Variants in TRPM3 observed in about 807,000 individuals in gnomAD.
TRPM3 encodes the protein transient receptor potential cation channel subfamily M member 3.
A neutral mutation model predicts 181.2 loss-of-function variants in TRPM3; 77 were observed. That is an observed-to-expected ratio of 0.42 (90% CI 0.35 to 0.51). The LOEUF (loss-of-function observed/expected upper bound fraction) is 0.51. Ranked by LOEUF, TRPM3 falls within the 20% of genes least tolerant of loss-of-function variation. The pLI is 0.01. For synonymous variants in TRPM3, 745 were observed against 796.4 expected (o/e 0.94, Z 1.09); for missense variants, 1,759 against 2,196.7 (o/e 0.80, Z 3.98).
chr9:70,993,252 C>A (rs891554397), intron 1 of TRPM3, among the ~76,000 whole-genome samples: 1 of 152,118 alleles, frequency 6.6e-6, no homozygotes, highest in African/African-American at 2.4e-5. Flanking sequence ...GAATGAAGAA[C>A]TGACTGTGGA....
chr9:70,786,346 G>A lies in TRPM3; in HGVS notation c.974-2067C>T, dbSNP rs547109459. ...AAAAAAAAAAAAAAATTAGCTGGGC[G>A]TGGTGGCAGGCGCCTGTAATCCCAG... On this transcript the variant is annotated intron_variant, in intron 6 of 25. Transcript: ENST00000677713. 1.8e-3 allele frequency among the ~76,000 whole-genome samples: 206 copies of A among 112,000 alleles called. 1 individual carries two copies. The highest frequency in any genetic ancestry group is 5.3e-3 in the Middle Eastern group (1 of 190). The allele number at this position is 112,000 out of a possible 152,430, so 73.5% of individuals were successfully genotyped here.
chr9:70,639,288 T>C, intron 10 of TRPM3, 94 bp from the exon 11 acceptor site: 2 of 1,401,498 alleles, frequency 1.4e-6, no homozygotes, highest in Non-Finnish European at 1.9e-6. Flanking sequence ...ATGGATGCCT[T>C]TGACATCTGG....
At chr9:71,416,518 T>G (rs1271072635) in intron 1 of TRPM3, among the ~76,000 whole-genome samples, 1 of 151,908 alleles carries the variant, frequency 6.6e-6, no homozygotes, top group South Asian at 2.1e-4. Flanking sequence ...TCCTGGATAA[T>G]GTTTCCATCT....
chr9:71,000,787 G>A (rs915309951), intron 1 of TRPM3, among the ~76,000 whole-genome samples: 1 of 152,114 alleles, frequency 6.6e-6, no homozygotes, highest in Non-Finnish European at 1.5e-5. Flanking sequence ...GTGAGGTGGA[G>A]TCATTTTCTA....
chr9:70,823,716 T>C (rs2093359561), intron 6 of TRPM3, among the ~76,000 whole-genome samples: 1 of 152,248 alleles, frequency 6.6e-6, no homozygotes, highest in Admixed American at 6.5e-5. Flanking sequence ...CTCAATGAAT[T>C]GTTAATTGTT....
chr9:70,685,402 A>G (rs1297503791), intron 8 of TRPM3, among the ~76,000 whole-genome samples: 1 of 151,994 alleles, frequency 6.6e-6, no homozygotes, highest in Non-Finnish European at 1.5e-5. Flanking sequence ...ATTGATCAAT[A>G]TTATTATTAT....
At chr9:70,962,514 C>T (rs1337019) in intron 1 of TRPM3, among the ~76,000 whole-genome samples, 116,718 of 151,996 alleles carry the variant, frequency 0.77, 45,263 homozygotes, top group African/African-American at 0.86. Context: ...ACCTCTTTCA[C>T]TCACCTATGG....
chr9:71,280,257 C>T (rs899522103), intron 1 of TRPM3, among the ~76,000 whole-genome samples: 5 of 152,106 alleles, frequency 3.3e-5, no homozygotes, highest in Admixed American at 6.5e-5. Context: ...CCTGCAGTCA[C>T]GTGAACCACT....
intron 1 of TRPM3, among the ~76,000 whole-genome samples, chr9:70,947,059 G>T (rs573958787): frequency 6.6e-6 from 1 of 152,074 alleles, no homozygotes; most frequent in Admixed American, 6.6e-5. Context: ...ACATGTATAC[G>T]CATTTTATTT....
chr9:71,084,769 A>T (rs910835396), intron 1 of TRPM3, among the ~76,000 whole-genome samples: 3 of 152,050 alleles, frequency 2.0e-5, no homozygotes, highest in African/African-American at 7.2e-5. Context: ...ACTAGGAAAA[A>T]AAAAACTATT....
intron 7 of TRPM3, among the ~76,000 whole-genome samples, chr9:70,779,805 G>A (rs1399877936): frequency 2.6e-5 from 4 of 151,962 alleles, no homozygotes; most frequent in Admixed American, 1.3e-4. Context: ...AATTAATTAC[G>A]GAAAGTGACA....
At chr9:70,755,911 A>G (rs971490395) in intron 8 of TRPM3, among the ~76,000 whole-genome samples, 1 of 152,216 alleles carries the variant, frequency 6.6e-6, no homozygotes, top group Admixed American at 6.5e-5. Context: ...AAGAAACTGC[A>G]TTAACTAACG....
chr9:70,825,229 G>T (rs2093477556), intron 6 of TRPM3: 1 of 152,190 alleles, frequency 6.6e-6, no homozygotes, highest in South Asian at 2.1e-4. Context: ...GGGTAGAACT[G>T]CTATAGGAGC....
At chr9:71,288,045 C>G (rs1186962779) in intron 1 of TRPM3, among the ~76,000 whole-genome samples, 1 of 152,052 alleles carries the variant, frequency 6.6e-6, no homozygotes, top group African/African-American at 2.4e-5. Flanking sequence ...ACAGAAAATA[C>G]TACATATTAA....
intron 1 of TRPM3, among the ~76,000 whole-genome samples, chr9:71,176,436 A>C (rs890705607): frequency 4.6e-5 from 7 of 152,186 alleles, no homozygotes; most frequent in Non-Finnish European, 1.0e-4. Context: ...GGATATAAGG[A>C]AAGAAAGTAT....
intron 9 of TRPM3, among the ~76,000 whole-genome samples, chr9:70,657,677 G>A (rs540018630): frequency 1.3e-5 from 2 of 152,230 alleles, no homozygotes; most frequent in East Asian, 3.9e-4. Context: ...CTTTCTGTAT[G>A]TGCTTTTAAA....
In TRPM3 at chr9:71,398,575, C is replaced by T. The variant is rs547699341; in HGVS notation, c.183+48078G>A. Among the ~76,000 whole-genome samples the T allele has an allele frequency of 1.3e-3, 202 of 152,242 alleles. 1 individual carries two copies. Among genetic ancestry groups the T allele is most frequent in the African/African-American group, 4.6e-3 (192 of 41,544 alleles). On this transcript the variant is annotated intron_variant, in intron 1 of 24. Transcript: ENST00000357533. ...GTTTAAAAGTGTATGTCACTTCCCC[C>T]AGCTCTCTCTTCTGCTCCACCAAGG... is the stretch of plus-strand genomic sequence containing the variant.
chr9:70,553,842 T>A (rs2047030948), intron 22 of TRPM3, among the ~76,000 whole-genome samples: 1 of 152,138 alleles, frequency 6.6e-6, no homozygotes, highest in African/African-American at 2.4e-5. Context: ...GCTGTCTCAG[T>A]ACAGAAGGAA....
intron 1 of TRPM3, among the ~76,000 whole-genome samples, chr9:71,297,311 T>C (rs1016792337): frequency 1.2e-4 from 18 of 152,332 alleles, no homozygotes; most frequent in Admixed American, 1.1e-3. Flanking sequence ...CTCTTCCTGA[T>C]CTGAGCCCTA....
Sources: allele counts gnomAD v4.1 joint callset (sites outside exome capture counted in the v4.1 genomes callset), GRCh38; gene constraint gnomAD v4.1.1; transcripts MANE v1.5; gene names NCBI Gene and HGNC (gene_info 2026-07-23, HGNC 2026-07-21).